ACACA: variants seen among roughly 807,000 people sequenced by gnomAD.
ACACA encodes the protein acetyl-CoA carboxylase alpha, also known as acetyl-CoA carboxylase 1.
A neutral mutation model predicts 296.1 loss-of-function variants in ACACA; 103 were observed. That is an observed-to-expected ratio of 0.35 (90% CI 0.30 to 0.41). The LOEUF is 0.41. ACACA is among the 10% of genes least tolerant of loss of function. ACACA has a pLI of 1.00. For synonymous variants in ACACA, 953 were observed against 1,038.6 expected (o/e 0.92, Z 1.58); for missense variants, 1,554 against 2,989.7 (o/e 0.52, Z 11.20).
At chr17:37,309,276 T>A (rs2084021978) in intron 3 of ACACA, among the ~76,000 whole-genome samples, 1 of 152,130 alleles carries the variant, frequency 6.6e-6, no homozygotes. Context: ...ACCTCCTGCT[T>A]TAGTCTCCCA....
chr17:37,268,713 A>C (rs921504622), intron 10 of ACACA, among the ~76,000 whole-genome samples: 2 of 135,648 alleles, frequency 1.5e-5, no homozygotes, highest in African/African-American at 5.9e-5. Flanking sequence ...ATCTATATCT[A>C]TATCTATCTA....
intron 35 of ACACA, among the ~76,000 whole-genome samples, chr17:37,196,890 CT>C (rs1381108870): frequency 3.3e-5 from 5 of 151,852 alleles, no homozygotes; most frequent in Non-Finnish European, 7.4e-5. Context: ...TCATGATCTA[CT>C]TTATTTTTTC....
chr17:37,394,899 T>A (rs929128591), intron 1 of ACACA, among the ~76,000 whole-genome samples: 3 of 150,714 alleles, frequency 2.0e-5, no homozygotes, highest in Non-Finnish European at 3.0e-5. Flanking sequence ...AAAAAATATG[T>A]ATATATAAAA....
intron 21 of ACACA, among the ~76,000 whole-genome samples, chr17:37,244,253 C>G (rs1189360962): frequency 6.6e-6 from 1 of 151,796 alleles, no homozygotes; most frequent in African/African-American, 2.4e-5. Context: ...ACAATCCCCA[C>G]TACTCAGGAG....
At chr17:37,240,362 G>C (rs1270992416) in intron 24 of ACACA, 114 bp downstream of exon 24, 2 of 823,062 alleles carry the variant, frequency 2.4e-6, no homozygotes, top group Non-Finnish European at 4.1e-6. Flanking sequence ...TTATTAATGG[G>C]AAGTGTTGTT....
chr17:37,391,806 C>T, intron 1 of ACACA: 1 of 1,201,718 alleles, frequency 8.3e-7, no homozygotes, highest in South Asian at 1.2e-5. Context: ...GCCAATTTCA[C>T]ACTTGTATCT....
chr17:37,260,760 AAAAAG>A (rs1159964828), intron 11 of ACACA, among the ~76,000 whole-genome samples: 9 of 152,260 alleles, frequency 5.9e-5, no homozygotes, highest in African/African-American at 2.2e-4. Flanking sequence ...GAAAAGAAAG[AAAAAG>A]AAAAGAAAGA....
intron 35 of ACACA, among the ~76,000 whole-genome samples, chr17:37,196,949 G>A (rs759229734): frequency 6.6e-6 from 1 of 151,754 alleles, no homozygotes; most frequent in African/African-American, 2.4e-5. Flanking sequence ...TTTCCTCAAA[G>A]TTTCTGTTTA....
rs774445639 is a variant in ACACA at position 37,248,196 on chromosome 17, G to A, written c.2164-40C>T. 7 of 1,612,456 alleles carry A rather than the reference G, an allele frequency of 4.3e-6. No homozygotes were observed. In the Admixed American group the frequency reaches 1.2e-4, roughly 27 times the overall value. ...AATGAGGATCAGTGTGTCCCTTCCA[G>A]GTACAGCTCCAAATGAAATTTGAAT... On this transcript the variant is annotated intron_variant, in intron 17 of 55. Transcript: ENST00000616317.
intron 39 of ACACA, among the ~76,000 whole-genome samples, chr17:37,187,697 C>T (rs2077590873): frequency 6.6e-6 from 1 of 152,168 alleles, no homozygotes; most frequent in South Asian, 2.1e-4. Context: ...TAATATATGA[C>T]ACCCTGAAAT....
At chr17:37,214,594 C>T (rs1249942009) in intron 29 of ACACA, among the ~76,000 whole-genome samples, 3 of 152,148 alleles carry the variant, frequency 2.0e-5, no homozygotes, top group Admixed American at 1.3e-4. Flanking sequence ...CCTTGGGCTA[C>T]CCTAATGATA....
rs1007770202 is a variant in ACACA at position 37,298,512 on chromosome 17, T to A, written c.339-13542A>T. On this transcript the variant is annotated intron_variant, in intron 3 of 55. Coordinates refer to ENST00000616317, the MANE Select transcript of ACACA (RefSeq NM_198834.3). ...GCCTGGGCAACACAGTGAGACCCCA[T>A]CTCTACAAAAAACTTGAAAAAAAAA... Among the ~76,000 whole-genome samples, 3 of 151,730 alleles carry A rather than the reference T, an allele frequency of 2.0e-5. No homozygotes were observed. In the South Asian group the frequency reaches 6.2e-4, roughly 32 times the overall value.
chr17:37,256,776 T>C (rs1031158474), intron 14 of ACACA, among the ~76,000 whole-genome samples: 5 of 152,104 alleles, frequency 3.3e-5, no homozygotes, highest in Non-Finnish European at 7.4e-5. Flanking sequence ...ATAAAACTAA[T>C]CAATAAGTGT....
intron 54 of ACACA, among the ~76,000 whole-genome samples, chr17:37,094,699 C>A (rs2072878085): frequency 6.6e-6 from 1 of 152,086 alleles, no homozygotes; most frequent in African/African-American, 2.4e-5. Context: ...ACCCACCTCA[C>A]ACTAAACTAG....
At chr17:37,266,224 A>G (rs888129611) in intron 10 of ACACA, among the ~76,000 whole-genome samples, 1 of 152,010 alleles carries the variant, frequency 6.6e-6, no homozygotes, top group Non-Finnish European at 1.5e-5. Context: ...GACCAGCCTG[A>G]GCAACATGGT....
chr17:37,173,982 TTATATATATATA>T (rs1173883631), intron 41 of ACACA, among the ~76,000 whole-genome samples: 477 of 19,430 alleles, frequency 0.025, 35 homozygotes, highest in East Asian at 0.05. Flanking sequence ...CCTGGCTAAT[TTATATATATATA>T]TATATATATA....
intron 3 of ACACA, among the ~76,000 whole-genome samples, chr17:37,326,322 G>T (rs1012893022): frequency 6.6e-6 from 1 of 151,978 alleles, no homozygotes; most frequent in African/African-American, 2.4e-5. Context: ...GATCACCTGA[G>T]GTTGGGAGTT....
At position 37,097,304 on chromosome 17, in the gene ACACA, C is replaced by T; in HGVS notation, c.6721-138G>A. The T allele has an allele frequency of 1.0e-6, 1 of 981,918 alleles. No homozygotes were observed. Among genetic ancestry groups the T allele is most frequent in the Admixed American group, 2.0e-5 (1 of 50,156 alleles). 60.8% of individuals were successfully genotyped at this position (981,918 alleles called of 1,614,324 possible). ...CCAAGAGCTGGCTGTAAACTCCTAG[C>T]ACTTCCAGATGTCCCCCAGGGCAGA... On this transcript the variant is annotated intron_variant, in intron 53 of 55. Transcript: ENST00000616317. This position sits in a 1 kb window ranked among gnomAD's most constrained non-coding sequence, Gnocchi z 4.8.
intron 41 of ACACA, among the ~76,000 whole-genome samples, chr17:37,164,066 T>A: frequency 6.8e-6 from 1 of 147,970 alleles, no homozygotes; most frequent in African/African-American, 2.5e-5. Flanking sequence ...CCTTTCTTTC[T>A]GTCTCTCACC....
Sources: gnomAD v4.1 joint callset for allele counts (sites outside exome capture counted in the v4.1 genomes callset) on GRCh38, gnomAD v4.1.1 for gene constraint, Gnocchi (gnomAD v3.1) non-coding constraint, MANE v1.5 for transcripts, NCBI Gene and HGNC (gene_info 2026-07-23, HGNC 2026-07-21) for gene names.